The following MARCHF1 variants were observed in gnomAD, a reference collection of about 807,000 sequenced individuals.
The protein encoded by MARCHF1 is E3 ubiquitin-protein ligase MARCHF1.
In MARCHF1, 40 loss-of-function variants were observed where a neutral mutation model predicts 54.2. That is an observed-to-expected ratio of 0.74 (90% CI 0.57 to 0.96). The LOEUF (loss-of-function observed/expected upper bound fraction) is 0.96. Among genes scored for constraint, MARCHF1 ranks in the 40% least tolerant of loss-of-function variants. MARCHF1 has a pLI of 0.00. For synonymous variants in MARCHF1, 236 were observed against 236.3 expected, an observed-to-expected ratio of 1.00 and a Z score of 0.01; for missense variants, 586 against 656.5, an observed-to-expected ratio of 0.89 and a Z score of 1.17.
chr4:164,135,460 A>T (rs1168618146), intron 1 of MARCHF1: 3 of 152,204 alleles, frequency 2.0e-5, no homozygotes, highest in Admixed American at 1.3e-4. Context: ...ATTCACAATC[A>T]TGGTGGAAGG....
intron 4 of MARCHF1, among the ~76,000 whole-genome samples, chr4:163,774,652 G>C (rs928885897): frequency 4.6e-5 from 7 of 151,944 alleles, no homozygotes; most frequent in Non-Finnish European, 8.8e-5. Flanking sequence ...GTGCCAACAA[G>C]CCCAGCTAAT....
chr4:163,542,878 T>C (rs1318667856), intron 9 of MARCHF1, among the ~76,000 whole-genome samples: 1 of 152,348 alleles, frequency 6.6e-6, no homozygotes, highest in East Asian at 1.9e-4. Flanking sequence ...GAGGAAGTGA[T>C]GTTTAAGGTA....
intron 5 of MARCHF1, among the ~76,000 whole-genome samples, chr4:163,655,601 A>T (rs970341212): frequency 6.6e-6 from 1 of 151,924 alleles, no homozygotes; most frequent in African/African-American, 2.4e-5. Context: ...AACAGAATAT[A>T]CATTTTTCTT....
intron 4 of MARCHF1, among the ~76,000 whole-genome samples, chr4:163,710,692 G>T (rs754697671): frequency 2.6e-4 from 39 of 151,878 alleles, no homozygotes; most frequent in Non-Finnish European, 5.2e-4. Context: ...TGGGTGAAAA[G>T]AAAAATAATA....
intron 4 of MARCHF1, among the ~76,000 whole-genome samples, chr4:163,738,708 ATTC>A (rs1221047232): frequency 1.3e-5 from 2 of 152,226 alleles, no homozygotes; most frequent in Non-Finnish European, 2.9e-5. Flanking sequence ...ACAGAATTTC[ATTC>A]TTCTGTTCAG....
At chr4:163,949,062 C>T (rs1752078811) in intron 3 of MARCHF1, among the ~76,000 whole-genome samples, 1 of 152,222 alleles carries the variant, frequency 6.6e-6, no homozygotes, top group Admixed American at 6.5e-5. Context: ...CCGCTGGGCT[C>T]ATTCTGCCCA....
intron 5 of MARCHF1, among the ~76,000 whole-genome samples, chr4:163,664,732 C>T (rs370359609): frequency 4.6e-5 from 7 of 151,962 alleles, no homozygotes; most frequent in African/African-American, 9.7e-5. Flanking sequence ...CTCAAAGATA[C>T]TCCCCATTTT....
At chr4:164,330,376 G>C (rs73870863) in intron 1 of MARCHF1, among the ~76,000 whole-genome samples, 2 of 152,002 alleles carry the variant, frequency 1.3e-5, no homozygotes, top group African/African-American at 4.8e-5. Context: ...AAATTCCGAA[G>C]TTTGTCATGT....
chr4:163,993,771 A>ATTTTATTAAAT lies in MARCHF1; in HGVS notation c.-247-5073_-247-5063dup, dbSNP rs564654754. ...ATTTGTTGAGAGACTAAAAAGAATC[A>ATTTTATTAAAT]TTTTATTAAATCCTTTTTTAAAAAG... On this transcript the variant is annotated intron_variant, in intron 2 of 9. Coordinates refer to ENST00000514618, the MANE Select transcript of MARCHF1 (RefSeq NM_001394959.1). 2.2e-3 allele frequency among the ~76,000 whole-genome samples: 341 copies of ATTTTATTAAAT among 152,284 alleles called. 4 individuals are homozygous for ATTTTATTAAAT. Among genetic ancestry groups the ATTTTATTAAAT allele is most frequent in the African/African-American group, 7.9e-3 (329 of 41,582 alleles).
intron 8 of MARCHF1, among the ~76,000 whole-genome samples, chr4:163,553,351 A>G (rs1014399714): frequency 1.1e-4 from 16 of 152,334 alleles, no homozygotes; most frequent in African/African-American, 3.4e-4. Context: ...TGCTGATAAC[A>G]TCTCTGAGGA....
chr4:164,142,502 G>A (rs570356044), intron 1 of MARCHF1, among the ~76,000 whole-genome samples: 1 of 152,294 alleles, frequency 6.6e-6, no homozygotes, highest in East Asian at 1.9e-4. Flanking sequence ...CTCCTCAAGT[G>A]GGTCCCTGAC....
chr4:163,721,772 C>A (rs936554022), intron 4 of MARCHF1, among the ~76,000 whole-genome samples: 27 of 152,058 alleles, frequency 1.8e-4, no homozygotes, highest in Non-Finnish European at 2.2e-4. Flanking sequence ...GTGTATGTGT[C>A]CAGGAATTTA....
At chr4:164,005,553 G>C (rs1288139950) in intron 2 of MARCHF1, among the ~76,000 whole-genome samples, 2 of 152,112 alleles carry the variant, frequency 1.3e-5, no homozygotes, top group South Asian at 2.1e-4. Context: ...TTCTATACTA[G>C]AGAAAATGAG....
chr4:163,905,445 T>C (rs549582278), intron 3 of MARCHF1, among the ~76,000 whole-genome samples: 43 of 152,210 alleles, frequency 2.8e-4, no homozygotes, highest in African/African-American at 8.9e-4. Context: ...AACACAGCTA[T>C]TCCAATATTG....
Position 164,291,313 on chromosome 4 carries a change from C to A in MARCHF1, c.-323+92557G>T, listed in dbSNP as rs551730722. 5.9e-5 allele frequency among the ~76,000 whole-genome samples: 9 copies of A among 152,020 alleles called. 1 individual carries two copies. The South Asian group carries it at 1.9e-3, about 32-fold the overall frequency. On this transcript the variant is annotated intron_variant, in intron 1 of 9. Transcript: ENST00000514618. ...ATTTTTAGCTACATGCAATTAAAAT[C>A]ATTTTTTGCATGTCATTTCTAGTGC... is the stretch of plus-strand genomic sequence containing the variant.
In MARCHF1 at chr4:164,363,766, C is replaced by CGTGTGTGT. The variant is rs113007142; in HGVS notation, c.-323+20096_-323+20103dup. ...ATTTAACATTACATTATTAATAAGCCGTGTGTGTGTGTGTGTGTCTGTGTT... is the reference window on the plus strand; with the variant it reads ...ATTTAACATTACATTATTAATAAGCCGTGTGTGTGTGTGTGTGTGTGTGTGTCTGTGTT... On this transcript the variant is annotated intron_variant, in intron 1 of 9. Coordinates refer to ENST00000514618, the MANE Select transcript of MARCHF1 (RefSeq NM_001394959.1). 4.1e-4 allele frequency among the ~76,000 whole-genome samples: 61 copies of CGTGTGTGT among 150,178 alleles called. No individual in the cohort carries two copies. The East Asian group carries it at 5.3e-3, about 13-fold the overall frequency.
chr4:163,898,527 A>G (rs1750867074), intron 3 of MARCHF1, among the ~76,000 whole-genome samples: 1 of 152,196 alleles, frequency 6.6e-6, no homozygotes, highest in South Asian at 2.1e-4. Flanking sequence ...AAAAAGTCAA[A>G]GAACAACAGA....
In MARCHF1 at chr4:163,929,926, TA is replaced by T. The variant is rs1291864590; in HGVS notation, c.-39+58574del. On this transcript the variant is annotated intron_variant, in intron 3 of 9. Coordinates refer to ENST00000514618, the MANE Select transcript of MARCHF1 (RefSeq NM_001394959.1). ...ATATTGGAAATATATATAATATATA[TA>T]ATATATTATATATTTATATTATATA... 3.0e-3 allele frequency among the ~76,000 whole-genome samples: 276 copies of T among 91,304 alleles called. 2 individuals carry two copies. Among genetic ancestry groups the T allele is most frequent in the African/African-American group, 0.011 (266 of 25,276 alleles). The allele number at this position is 91,304 out of a possible 152,430, so 59.9% of individuals were successfully genotyped here. A position where few individuals can be genotyped will look rare whatever the true frequency, so the allele number is the denominator to read the frequency against.
chr4:163,978,308 A>T (rs527598921), intron 3 of MARCHF1, among the ~76,000 whole-genome samples: 44 of 152,302 alleles, frequency 2.9e-4, no homozygotes, highest in African/African-American at 9.9e-4. Context: ...ATCACAATAG[A>T]AGGTATTAAT....
Sources: allele counts gnomAD v4.1 joint callset (sites outside exome capture counted in the v4.1 genomes callset), GRCh38; gene constraint gnomAD v4.1.1; transcripts MANE v1.5; gene names NCBI Gene and HGNC (gene_info 2026-07-23, HGNC 2026-07-21).